The following PARVA variants were observed in gnomAD, a reference collection of about 807,000 sequenced individuals.
PARVA encodes the protein alpha-parvin.
A neutral mutation model predicts 52.6 loss-of-function variants in PARVA; 25 were observed. That is an observed-to-expected ratio of 0.48 (90% confidence interval 0.35 to 0.66). The LOEUF is 0.66. Ranked by LOEUF, PARVA falls within the 30% of genes least tolerant of loss-of-function variation. The pLI is 0.01. For synonymous variants in PARVA, 185 were observed against 179.1 expected (o/e 1.03, Z -0.26); for missense variants, 373 against 450.9 (o/e 0.83, Z 1.56).
At position 12,527,989 on chromosome 11, in the gene PARVA, G is replaced by A. The variant is rs558203369; in HGVS notation, c.*64G>A. On this transcript the variant is annotated 3_prime_UTR_variant, in exon 13 of 13. Coordinates refer to ENST00000334956, the MANE Select transcript of PARVA (RefSeq NM_018222.5). ...CTGTTGGCGTACTGGACCCTCCTCC[G>A]AACTGCCTTACCCTGCTTATTCCTG... is the stretch of plus-strand genomic sequence containing the variant. The A allele has an allele frequency of 3.5e-4, 394 of 1,140,280 alleles. 4 individuals are homozygous for A. The South Asian group carries it at 4.1e-3, about 12-fold the overall frequency. 70.6% of individuals were successfully genotyped at this position (1,140,280 alleles called of 1,614,324 possible).
rs565349098 is a variant in PARVA, at chr11:12,403,440, G to C, written c.136+25657G>C. Among the ~76,000 whole-genome samples the C allele has an allele frequency of 9.8e-5, 15 of 152,328 alleles. No individual in the cohort carries two copies. The South Asian group carries it at 2.7e-3, about 27-fold the overall frequency. On this transcript the variant is annotated intron_variant, in intron 1 of 12. Transcript: ENST00000334956. ...TGATAGGAGGCCCCCAGCCTTCTCT[G>C]TGCCCAGCCAGTGCTCTGAGCATTT...
chr11:12,376,581 G>C (rs1939391939), upstream of PARVA: 1 of 171,656 alleles, frequency 5.8e-6, no homozygotes, highest in Middle Eastern at 2.9e-3. Context: ...CTTCAGTAAA[G>C]CAGTAGCGCC....
At chr11:12,457,374 C>T (rs377518816) in intron 1 of PARVA, among the ~76,000 whole-genome samples, 1 of 152,212 alleles carries the variant, frequency 6.6e-6, no homozygotes, top group East Asian at 1.9e-4. Context: ...GTTTCCAATG[C>T]AGTAGTCCAT....
chr11:12,507,413 A>C (rs1360164257), intron 6 of PARVA, among the ~76,000 whole-genome samples: 1 of 152,104 alleles, frequency 6.6e-6, no homozygotes, highest in Non-Finnish European at 1.5e-5. Flanking sequence ...CTGCACCCCA[A>C]CATTACCTCC....
At chr11:12,410,037 A>G (rs1939972116) in intron 1 of PARVA, among the ~76,000 whole-genome samples, 1 of 152,298 alleles carries the variant, frequency 6.6e-6, no homozygotes, top group South Asian at 2.1e-4. Flanking sequence ...TAGGAGTACC[A>G]AATTCCAAAT....
At chr11:12,426,009 G>GATA (rs10651055) in intron 1 of PARVA, among the ~76,000 whole-genome samples, 147,932 of 152,190 alleles carry the variant, frequency 0.97, 72,037 homozygotes, top group East Asian at 1. Flanking sequence ...TCATTCAACA[G>GATA]ATGATTGAGT....
At chr11:12,417,690 C>T (rs1171824416) in intron 1 of PARVA, among the ~76,000 whole-genome samples, 2 of 152,016 alleles carry the variant, frequency 1.3e-5, no homozygotes, top group Non-Finnish European at 2.9e-5. Context: ...AGAGAAGGGC[C>T]CAAGTTAAGT....
intron 1 of PARVA, among the ~76,000 whole-genome samples, chr11:12,460,155 G>T (rs1253810526): frequency 6.6e-6 from 1 of 152,170 alleles, no homozygotes; most frequent in Non-Finnish European, 1.5e-5. Flanking sequence ...TGTGTTTGGG[G>T]AGCACTTCCT....
rs147488151 is a variant in PARVA at position 12,450,502 on chromosome 11, C to G, written c.137-23243C>G. On this transcript the variant is annotated intron_variant, in intron 1 of 12. Transcript: ENST00000334956. ...ATTAAGGGAAAAGAGAATGAAGCCT[C>G]AGGGTGTTGGATGCCCATGTGTATT... Among the ~76,000 whole-genome samples, 768 of 152,280 alleles carry G rather than the reference C, an allele frequency of 5.0e-3. 5 individuals carry two copies. Among genetic ancestry groups the G allele is most frequent in the African/African-American group, 0.018 (737 of 41,566 alleles).
At chr11:12,501,667 T>C (rs889182545) in intron 5 of PARVA, among the ~76,000 whole-genome samples, 1 of 152,262 alleles carries the variant, frequency 6.6e-6, no homozygotes, top group African/African-American at 2.4e-5. Context: ...CATAGTGTTT[T>C]CCAGGGTTTT....
intron 6 of PARVA, among the ~76,000 whole-genome samples, chr11:12,506,808 A>G (rs2135070509): frequency 6.6e-6 from 1 of 152,354 alleles, no homozygotes; most frequent in African/African-American, 2.4e-5. Context: ...AGAACTCTTT[A>G]GGGAACAAAT....
At chr11:12,437,999 G>A (rs867687822) in intron 1 of PARVA, among the ~76,000 whole-genome samples, 4 of 152,078 alleles carry the variant, frequency 2.6e-5, no homozygotes, top group African/African-American at 4.8e-5. Flanking sequence ...AGTGGCTTAC[G>A]TCTGTAATCC....
chr11:12,408,930 C>G (rs768974811), intron 1 of PARVA, among the ~76,000 whole-genome samples: 9 of 152,048 alleles, frequency 5.9e-5, no homozygotes, highest in Non-Finnish European at 1.0e-4. Flanking sequence ...AATGAATGTT[C>G]CAGAAAGAGG....
chr11:12,381,505 G>C (rs1939486060), intron 1 of PARVA, among the ~76,000 whole-genome samples: 1 of 152,130 alleles, frequency 6.6e-6, no homozygotes, highest in South Asian at 2.1e-4. Flanking sequence ...TATAATACTT[G>C]TTAGAATATA....
rs1489149738 is a variant in PARVA, at chr11:12,473,997, A to G, written c.297+14A>G. On this transcript the variant is annotated intron_variant, in intron 3 of 12. Coordinates refer to ENST00000334956, the MANE Select transcript of PARVA (RefSeq NM_018222.5). ...GAACTGATGAAGGTAAGAAGAAATC[A>G]GGAGCGGCTTCAGGTGCCTCACTGA... The G allele has an allele frequency of 1.9e-6, 3 of 1,562,406 alleles. No homozygotes were observed. Among genetic ancestry groups the G allele is most frequent in the Non-Finnish European group, 2.6e-6 (3 of 1,152,988 alleles).
intron 3 of PARVA, among the ~76,000 whole-genome samples, chr11:12,476,642 T>G (rs893878051): frequency 6.6e-6 from 1 of 152,184 alleles, no homozygotes; most frequent in Non-Finnish European, 1.5e-5. Flanking sequence ...ATTTGAACTC[T>G]TTATGTTATA....
chr11:12,479,781 A>G (rs1941062549), intron 4 of PARVA: 1 of 152,250 alleles, frequency 6.6e-6, no homozygotes, highest in African/African-American at 2.4e-5. Flanking sequence ...GTATATATAC[A>G]TGCCTTATTA....
chr11:12,442,955 G>A (rs1024172001), intron 1 of PARVA, among the ~76,000 whole-genome samples: 2 of 143,644 alleles, frequency 1.4e-5, no homozygotes, highest in Non-Finnish European at 3.1e-5. Context: ...TCCGCCTCCC[G>A]GGTTCACGCC....
intron 1 of PARVA, among the ~76,000 whole-genome samples, chr11:12,395,229 G>C (rs1448435699): frequency 6.6e-6 from 1 of 152,146 alleles, no homozygotes; most frequent in Non-Finnish European, 1.5e-5. Context: ...TCAAACTGCT[G>C]TTGTTCAAAG....
Sources: allele counts gnomAD v4.1 joint callset (sites outside exome capture counted in the v4.1 genomes callset), GRCh38; gene constraint gnomAD v4.1.1; transcripts MANE v1.5; gene names NCBI Gene and HGNC (gene_info 2026-07-23, HGNC 2026-07-21).